Variants in AKAP6 observed in about 807,000 individuals in gnomAD.
AKAP6 encodes A-kinase anchor protein 6.
AKAP6 carries 58 observed loss-of-function variants against 188.5 expected under a neutral mutation model. That is an observed-to-expected ratio of 0.31 (90% confidence interval 0.25 to 0.38). The LOEUF (loss-of-function observed/expected upper bound fraction) is 0.38, where lower values mean the gene tolerates loss of function less well. Among genes scored for constraint, AKAP6 ranks in the 10% least tolerant of loss-of-function variants. The probability of loss-of-function intolerance (pLI) is 1.00; values close to 1 mark genes in which losing one functional copy is unlikely to be tolerated. For missense variants in AKAP6, 2,710 were observed against 2,740.0 expected, an observed-to-expected ratio of 0.99 and a Z score of 0.24; for synonymous variants, 989 against 998.6, an observed-to-expected ratio of 0.99 and a Z score of 0.18.
intron 12 of AKAP6, among the ~76,000 whole-genome samples, chr14:32,786,494 T>TC (rs11378516): frequency 6.7e-6 from 1 of 149,064 alleles, no homozygotes; most frequent in African/African-American, 2.5e-5. Context: ...TTTATTTTAT[T>TC]TTTTTATTTT....
At chr14:32,704,943 G>A (rs1456507092) in intron 9 of AKAP6, among the ~76,000 whole-genome samples, 2 of 152,070 alleles carry the variant, frequency 1.3e-5, no homozygotes, top group African/African-American at 4.8e-5. Context: ...CAGGAATGTG[G>A]GGCTAAAAGG....
chr14:32,351,672 A>C (rs1439797756), intron 1 of AKAP6, among the ~76,000 whole-genome samples: 1 of 152,130 alleles, frequency 6.6e-6, no homozygotes, highest in African/African-American at 2.4e-5. Context: ...AAATACATAG[A>C]ATTATGAAAG....
In AKAP6 at chr14:32,545,810, AGCCTACATT is replaced by A. The variant is rs768330869; in HGVS notation, c.1161_1169del (p.Thr388_Pro390del). On this transcript the variant is annotated inframe_deletion, in exon 4 of 14. Coordinates refer to ENST00000280979, the MANE Select transcript of AKAP6 (RefSeq NM_004274.5). ...AATTATAACGAGGACTCTCCCACGCAGCCTACATTGCCAAAAAGAGGACTTTTTCTTAAA... is the reference window on the plus strand; with the variant it reads ...AATTATAACGAGGACTCTCCCACGCAGCCAAAAAGAGGACTTTTTCTTAAA... 6.2e-7 allele frequency: 1 copy of A among 1,614,224 alleles called. No individual in the cohort carries two copies. Among genetic ancestry groups the A allele is most frequent in the Non-Finnish European group, 8.5e-7 (1 of 1,180,034 alleles).
chr14:32,808,894 C>G (rs1022478109), intron 12 of AKAP6, among the ~76,000 whole-genome samples: 3 of 152,138 alleles, frequency 2.0e-5, no homozygotes, highest in Admixed American at 2.0e-4. Context: ...TTTGGCACTG[C>G]ACAGAACTGA....
intron 9 of AKAP6, among the ~76,000 whole-genome samples, chr14:32,718,902 G>A (rs1029961743): frequency 6.6e-5 from 10 of 152,086 alleles, no homozygotes; most frequent in African/African-American, 2.4e-4. Flanking sequence ...ATAATGCTAA[G>A]AATTACAGTG....
At chr14:32,593,963 C>G (rs887943959) in intron 5 of AKAP6, among the ~76,000 whole-genome samples, 1 of 152,080 alleles carries the variant, frequency 6.6e-6, no homozygotes, top group African/African-American at 2.4e-5. Flanking sequence ...AATAAAGAAC[C>G]CTTATCACCT....
chr14:32,676,133 A>C (rs1024760966), intron 7 of AKAP6, among the ~76,000 whole-genome samples: 2 of 152,156 alleles, frequency 1.3e-5, no homozygotes, highest in African/African-American at 4.8e-5. Context: ...GGTCAGTGGA[A>C]TACTTAGTGT....
intron 1 of AKAP6, among the ~76,000 whole-genome samples, chr14:32,418,892 C>T (rs138509595): frequency 0.011 from 1,607 of 152,178 alleles, 32 homozygotes; most frequent in African/African-American, 0.036. Flanking sequence ...TTTATAAGCT[C>T]GTACTGTCTA....
chr14:32,725,819 A>G lies in AKAP6; in HGVS notation c.3001-6635A>G, dbSNP rs75719738. Among the ~76,000 whole-genome samples the G allele has an allele frequency of 7.3e-3, 1,113 of 152,328 alleles. 8 individuals are homozygous for G. The highest frequency in any genetic ancestry group is 0.025 in the African/African-American group (1,047 of 41,578). On this transcript the variant is annotated intron_variant, in intron 9 of 13. Transcript: ENST00000280979. The stretch of plus-strand genomic sequence containing the variant: ...CCTGGAAATGTTTCCTGAATGGTTA[A>G]TAATATGCTCTTATCCGTATTTTAG...
At chr14:32,801,217 CCTT>C (rs757813532) in intron 12 of AKAP6, among the ~76,000 whole-genome samples, 98 of 151,842 alleles carry the variant, frequency 6.5e-4, no homozygotes, top group Non-Finnish European at 1.1e-3. Context: ...TTTCTTTTTT[CCTT>C]CTTTTTCTGC....
In AKAP6 at chr14:32,732,517, G is replaced by A; in HGVS notation, c.3064G>A (p.Ala1022Thr). The A allele has an allele frequency of 6.2e-7, 1 of 1,613,552 alleles. No homozygotes were observed. Among genetic ancestry groups the A allele is most frequent in the South Asian group, 1.1e-5 (1 of 91,070 alleles). ...GACGGAGCTGCTTAGTAAGGTTGAA[G>A]CTTTGAAGAAAGGTGGCGTTTTACT... ...KKTELLSKVE[A>T]LKKGGVLLPN... The change falls in exon 10 of 14, where the codon GCT becomes ACT. Residue 1022 changes from alanine (A) to threonine (T), a missense_variant. Ala to Thr is a moderately conservative substitution (Grantham distance 58, BLOSUM62 0). Coordinates refer to ENST00000280979, the MANE Select transcript of AKAP6 (RefSeq NM_004274.5).
At chr14:32,414,822 A>C (rs950777174) in intron 1 of AKAP6, among the ~76,000 whole-genome samples, 94 of 152,174 alleles carry the variant, frequency 6.2e-4, no homozygotes, top group Non-Finnish European at 1.6e-4. Flanking sequence ...TTCAGCCTCT[A>C]TTTAGCTTTG....
At chr14:32,618,056 TTAAA>T (rs747523130) in intron 7 of AKAP6, among the ~76,000 whole-genome samples, 4 of 152,174 alleles carry the variant, frequency 2.6e-5, no homozygotes, top group Non-Finnish European at 5.9e-5. Flanking sequence ...GCTAGAACAA[TTAAA>T]TAAAACACAG....
intron 2 of AKAP6, among the ~76,000 whole-genome samples, chr14:32,486,192 A>C (rs1879676522): frequency 6.6e-6 from 1 of 152,210 alleles, no homozygotes; most frequent in African/African-American, 2.4e-5. Flanking sequence ...TTTTTGTACC[A>C]GTACCATGCT....
At chr14:32,488,412 A>G (rs1402654400) in intron 2 of AKAP6, among the ~76,000 whole-genome samples, 1 of 152,156 alleles carries the variant, frequency 6.6e-6, no homozygotes, top group African/African-American at 2.4e-5. Context: ...GGTGGATTTC[A>G]GACTGCTGTG....
intron 12 of AKAP6, among the ~76,000 whole-genome samples, chr14:32,805,364 T>C (rs1212106671): frequency 6.6e-6 from 1 of 152,214 alleles, no homozygotes; most frequent in Non-Finnish European, 1.5e-5. Context: ...TGCCCAGCCA[T>C]GTACCATGAT....
chr14:32,362,758 C>A (rs1887704514), intron 1 of AKAP6, among the ~76,000 whole-genome samples: 2 of 152,206 alleles, frequency 1.3e-5, no homozygotes, highest in South Asian at 4.1e-4. Context: ...AAGACTTTAT[C>A]CTACTGAATA....
At chr14:32,398,639 G>T (rs1888957618) in intron 1 of AKAP6, among the ~76,000 whole-genome samples, 1 of 152,100 alleles carries the variant, frequency 6.6e-6, no homozygotes, top group Non-Finnish European at 1.5e-5. Flanking sequence ...GACAGTCTCT[G>T]TGAATATGTA....
At chr14:32,349,533 A>G (rs1253448889) in intron 1 of AKAP6, among the ~76,000 whole-genome samples, 1 of 152,230 alleles carries the variant, frequency 6.6e-6, no homozygotes, top group Non-Finnish European at 1.5e-5. Context: ...TCAGGGCTTG[A>G]TGCAGTGAGT....
Sources: allele counts gnomAD v4.1 joint callset (sites outside exome capture counted in the v4.1 genomes callset), GRCh38; gene constraint gnomAD v4.1.1; transcripts MANE v1.5; gene names NCBI Gene and HGNC (gene_info 2026-07-23, HGNC 2026-07-21).